The following PREX1 variants were observed in gnomAD, a reference collection of about 807,000 sequenced individuals.
PREX1 encodes phosphatidylinositol-3,4,5-trisphosphate dependent Rac exchange factor 1.
In PREX1, 41 loss-of-function variants were observed where a neutral mutation model predicts 198.3. The observed-to-expected ratio is 0.21, with a 90% CI of 0.16 to 0.27. The LOEUF is 0.27. Among genes scored for constraint, PREX1 ranks in the 10% least tolerant of loss-of-function variants. The pLI is 1.00. For missense variants in PREX1, 1,620 were observed against 2,200.7 expected (o/e 0.74, Z 5.28); for synonymous variants, 843 against 887.2 (o/e 0.95, Z 0.89).
intron 1 of PREX1, among the ~76,000 whole-genome samples, chr20:48,793,737 C>A (rs924656380): frequency 6.6e-6 from 1 of 152,208 alleles, no homozygotes; most frequent in East Asian, 1.9e-4. Flanking sequence ...TAATCTTGAT[C>A]CCTCTCGGGT....
At position 48,666,142 on chromosome 20, in the gene PREX1, G is replaced by C; in HGVS notation, c.1738+141C>G. On this transcript the variant is annotated intron_variant, in intron 15 of 39. Coordinates refer to ENST00000371941, the MANE Select transcript of PREX1 (RefSeq NM_020820.4). This position sits in a 1 kb window ranked among gnomAD's most constrained non-coding sequence, Gnocchi z 4.3. ...GATCGGTTCAGAACGGGAAGGGGAG[G>C]GAGGTGGGATTCGTGAGCCTCCCCA... is the stretch of plus-strand genomic sequence containing the variant. 1.3e-6 allele frequency: 1 copy of C among 759,192 alleles called. No individual in the cohort carries two copies. Among genetic ancestry groups the C allele is most frequent in the Non-Finnish European group, 2.1e-6 (1 of 466,356 alleles). 47.0% of individuals were successfully genotyped at this position (759,192 alleles called of 1,614,324 possible). A position where few individuals can be genotyped will look rare whatever the true frequency, so the allele number is the denominator to read the frequency against.
chr20:48,783,251 T>C (rs986373767), intron 1 of PREX1, among the ~76,000 whole-genome samples: 2 of 152,024 alleles, frequency 1.3e-5, no homozygotes, highest in Non-Finnish European at 2.9e-5. Context: ...GATGAGAGGC[T>C]TGGAAGGCAG....
chr20:48,687,918 T>C (rs1197480508), intron 10 of PREX1, among the ~76,000 whole-genome samples: 1 of 152,108 alleles, frequency 6.6e-6, no homozygotes, highest in Non-Finnish European at 1.5e-5. Flanking sequence ...ACTGAGAAGT[T>C]TATAGAAGCT....
Position 48,688,814 on chromosome 20 carries a change from G to A in PREX1, c.1187-10C>T, listed in dbSNP as rs1254488449. On this transcript the variant is annotated splice_polypyrimidine_tract_variant and intron_variant, in intron 9 of 39. Coordinates refer to ENST00000371941, the MANE Select transcript of PREX1 (RefSeq NM_020820.4). Reference sequence around the variant, plus strand: ...ATGCCCAGCTTCAGGCCTACACAGGGGCACGGTCAGCACTGGAGAGAGCAC... The same window carrying A: ...ATGCCCAGCTTCAGGCCTACACAGGAGCACGGTCAGCACTGGAGAGAGCAC... 7 of 1,613,832 alleles carry A rather than the reference G, an allele frequency of 4.3e-6. No homozygotes were observed. Among genetic ancestry groups the A allele is most frequent in the African/African-American group, 1.3e-5 (1 of 74,886 alleles).
chr20:48,839,649 C>T, the PREX1 span, among the ~76,000 whole-genome samples: 4 of 152,194 alleles, frequency 2.6e-5, no homozygotes, highest in Non-Finnish European at 4.4e-5. Flanking sequence ...GTCGAGGCTG[C>T]GGACTACATT....
rs117486114 is a variant in PREX1 at position 48,717,531 on chromosome 20, C to T, written c.621+8759G>A. 1.5e-3 allele frequency among the ~76,000 whole-genome samples: 222 copies of T among 151,554 alleles called. 4 individuals are homozygous for T. Among genetic ancestry groups the T allele is most frequent in the East Asian group, 0.014 (70 of 5,174 alleles). ...AAAAAAAGGAAAAGAAAACAAGAAG[C>T]GAAAAACATCTGGAAGTCCAAGAGA... On this transcript the variant is annotated intron_variant, in intron 5 of 39. Transcript: ENST00000371941.
intron 14 of PREX1, among the ~76,000 whole-genome samples, chr20:48,672,082 C>T (rs977166177): frequency 6.6e-6 from 1 of 152,214 alleles, no homozygotes; most frequent in Non-Finnish European, 1.5e-5. Context: ...CGAGAAAGCC[C>T]CCCGCATGCC....
At chr20:48,841,306 A>G in the PREX1 span, among the ~76,000 whole-genome samples, 1 of 152,224 alleles carries the variant, frequency 6.6e-6, no homozygotes, top group Admixed American at 6.5e-5. Context: ...TTGGCTTTGC[A>G]AGTCATACAG....
chr20:48,714,877 G>C (rs952037268), intron 5 of PREX1, among the ~76,000 whole-genome samples: 1 of 152,214 alleles, frequency 6.6e-6, no homozygotes, highest in Non-Finnish European at 1.5e-5. Context: ...GGAGTGCACA[G>C]ATATGGAAAC....
chr20:48,754,409 C>T (rs552016642), intron 1 of PREX1, among the ~76,000 whole-genome samples: 1 of 152,270 alleles, frequency 6.6e-6, no homozygotes, highest in South Asian at 2.1e-4. Context: ...TGAACCGCAT[C>T]AGCCTTTAAA....
chr20:48,746,720 G>A (rs6095277), intron 2 of PREX1, among the ~76,000 whole-genome samples: 10,758 of 151,474 alleles, frequency 0.071, 474 homozygotes, highest in South Asian at 0.18. Flanking sequence ...TCAGCACTAA[G>A]GTTTGCACCC....
chr20:48,735,895 T>C (rs1324616047), intron 3 of PREX1, among the ~76,000 whole-genome samples: 3 of 151,924 alleles, frequency 2.0e-5, no homozygotes, highest in Non-Finnish European at 4.4e-5. Context: ...GGGTACAAAT[T>C]TCAAGCCACA....
At chr20:48,678,062 C>T (rs2123009161) in intron 13 of PREX1, among the ~76,000 whole-genome samples, 1 of 152,176 alleles carries the variant, frequency 6.6e-6, no homozygotes, top group South Asian at 2.1e-4. Flanking sequence ...GCCTGTAATT[C>T]CAGCACTTTG....
intron 1 of PREX1, among the ~76,000 whole-genome samples, chr20:48,811,987 C>T (rs2090438564): frequency 2.0e-5 from 3 of 152,200 alleles, no homozygotes; most frequent in African/African-American, 7.2e-5. Flanking sequence ...CTGAACAGCT[C>T]GGTGCCTCAA....
intron 1 of PREX1, among the ~76,000 whole-genome samples, chr20:48,799,038 C>A (rs975473738): frequency 3.9e-5 from 6 of 152,130 alleles, no homozygotes; most frequent in Admixed American, 2.0e-4. Flanking sequence ...CACGCGCCAC[C>A]ACCCACAGCT....
intron 27 of PREX1, among the ~76,000 whole-genome samples, chr20:48,644,036 T>A (rs897733943): frequency 2.0e-5 from 3 of 152,174 alleles, no homozygotes; most frequent in Admixed American, 6.5e-5. Flanking sequence ...CATGTATCAT[T>A]TTTACATAAA....
intron 1 of PREX1, among the ~76,000 whole-genome samples, chr20:48,768,229 A>AC (rs1362312206): frequency 6.6e-6 from 1 of 152,250 alleles, no homozygotes; most frequent in African/African-American, 2.4e-5. Flanking sequence ...AGTGCTTAGC[A>AC]CAGAGAATGG....
At chr20:48,717,089 T>C (rs1209547602) in intron 5 of PREX1, among the ~76,000 whole-genome samples, 3 of 152,122 alleles carry the variant, frequency 2.0e-5, no homozygotes, top group Admixed American at 2.0e-4. Flanking sequence ...GCAAGCGAAA[T>C]CATAAGAAAA....
intron 1 of PREX1, among the ~76,000 whole-genome samples, chr20:48,824,539 C>T (rs2090500488): frequency 6.6e-6 from 1 of 152,220 alleles, no homozygotes; most frequent in South Asian, 2.1e-4. Flanking sequence ...TTTCCTACAA[C>T]AACAATAATA....
Sources: allele counts gnomAD v4.1 joint callset (sites outside exome capture counted in the v4.1 genomes callset), GRCh38; gene constraint gnomAD v4.1.1; non-coding constraint Gnocchi (gnomAD v3.1); transcripts MANE v1.5; gene names NCBI Gene and HGNC (gene_info 2026-07-23, HGNC 2026-07-21).